The following C2CD5 variants were observed in gnomAD, a reference collection of about 807,000 sequenced individuals.
C2CD5 encodes C2 calcium dependent domain containing 5.
Under a neutral mutation model 130.3 loss-of-function variants are expected in C2CD5, and 109 were observed. That is an observed-to-expected ratio of 0.84 (90% confidence interval 0.72 to 0.98). The LOEUF (loss-of-function observed/expected upper bound fraction) is 0.98, where lower values mean the gene tolerates loss of function less well. Ranked by LOEUF, C2CD5 falls within the 50% of genes least tolerant of loss-of-function variation. The pLI is 0.00. For synonymous variants in C2CD5, 454 were observed against 429.2 expected (o/e 1.06, Z -0.71); for missense variants, 996 against 1,261.8 (o/e 0.79, Z 3.19).
At chr12:22,505,353 G>T (rs1948390668) in intron 10 of C2CD5, among the ~76,000 whole-genome samples, 1 of 150,356 alleles carries the variant, frequency 6.7e-6, no homozygotes, top group South Asian at 2.1e-4. Context: ...CACCTCCCGG[G>T]TTCAAGCAAT....
In C2CD5 at chr12:22,526,320, G is replaced by A. The variant is rs74906182; in HGVS notation, c.350-615C>T. ...CATTTGCTGAGCACTGATACACGAT[G>A]TACTAAACACTTTACAGGTAGTATC... On this transcript the variant is annotated intron_variant, in intron 4 of 26. Transcript: ENST00000446597. Among the ~76,000 whole-genome samples the A allele has an allele frequency of 2.8e-3, 419 of 152,234 alleles. 9 individuals are homozygous for A. In the East Asian group the frequency reaches 0.051, roughly 18 times the overall value.
chr12:22,512,360 A>G (rs1392036627), intron 9 of C2CD5, among the ~76,000 whole-genome samples: 1 of 152,204 alleles, frequency 6.6e-6, no homozygotes, highest in Non-Finnish European at 1.5e-5. Flanking sequence ...TAGAACATGT[A>G]AAAGAAAATT....
At chr12:22,534,770 G>C (rs1951666284) in intron 3 of C2CD5, 1 of 153,628 alleles carries the variant, frequency 6.5e-6, no homozygotes, top group African/African-American at 2.4e-5. Flanking sequence ...AGTCTAGGGA[G>C]AGGAGGGAAT....
At chr12:22,512,558 A>G (rs900067752) in intron 9 of C2CD5, 2 of 966,770 alleles carry the variant, frequency 2.1e-6, no homozygotes, top group Non-Finnish European at 3.0e-6. Context: ...AACATTTGCT[A>G]AGATTAAATA....
intron 26 of C2CD5, among the ~76,000 whole-genome samples, chr12:22,453,503 T>G (rs1939138825): frequency 6.6e-6 from 1 of 152,172 alleles, no homozygotes; most frequent in African/African-American, 2.4e-5. Context: ...AAGCAAGCCT[T>G]ACTATGGCCT....
chr12:22,535,283 C>T lies in C2CD5; in HGVS notation c.152G>A (p.Trp51Ter), dbSNP rs1459558698. Residue 51 changes from tryptophan (W) to a stop codon, truncating the protein, a stop_gained, in exon 3 of 27, where the codon TGG becomes TAG. Transcript: ENST00000446597. LOFTEE classifies it high-confidence loss of function. ...DVYLKSLNPQWNSEWFKFEVD... is the reference protein window; with the variant it reads ...DVYLKSLNPQ ...CTCAAATTTAAACCACTCCGAGTTC[C>T]ACTGAGGGTTGAGTGACTTAAGGTA... The T allele has an allele frequency of 1.2e-6, 2 of 1,605,904 alleles. No individual in the cohort carries two copies. The highest frequency in any genetic ancestry group is 1.1e-5 in the South Asian group (1 of 90,430).
In C2CD5 at chr12:22,544,480, C is replaced by T. The variant is rs1952759220; in HGVS notation, c.-190G>A. On this transcript the variant is annotated 5_prime_UTR_variant, in exon 1 of 27. Transcript: ENST00000446597. ...TCCCGTTGAGCCTCTGCCGCCCCTG[C>T]TTGTCTCTCCTCCCCCGCTCTCAAA... The T allele has an allele frequency of 4.7e-6, 1 of 210,726 alleles. No homozygotes were observed. The highest frequency in any genetic ancestry group is 9.4e-6 in the Non-Finnish European group (1 of 106,276). 13.1% of individuals were successfully genotyped at this position (210,726 alleles called of 1,614,324 possible). A position where few individuals can be genotyped will look rare whatever the true frequency, so the allele number is the denominator to read the frequency against.
intron 12 of C2CD5, 103 bp from the exon 13 acceptor site, chr12:22,484,991 C>T (rs933306674): frequency 4.1e-6 from 2 of 484,432 alleles, no homozygotes; most frequent in Non-Finnish European, 6.9e-6. Context: ...TGTATACGAA[C>T]TATCCAACTT....
chr12:22,450,895 G>T (rs1938451680), intron 26 of C2CD5, among the ~76,000 whole-genome samples: 2 of 152,092 alleles, frequency 1.3e-5, no homozygotes, highest in Non-Finnish European at 1.5e-5. Flanking sequence ...AATAAAGGTA[G>T]TCTTTATGTC....
intron 2 of C2CD5, 37 bp from the exon 3 acceptor site, chr12:22,535,381 C>G (rs376583149): frequency 2.7e-6 from 3 of 1,098,300 alleles, no homozygotes; most frequent in Non-Finnish European, 4.2e-6. Flanking sequence ...ATATGAATAT[C>G]AAAAATGTGA....
chr12:22,505,714 A>G (rs7964072), intron 10 of C2CD5, among the ~76,000 whole-genome samples: 2 of 151,998 alleles, frequency 1.3e-5, no homozygotes, highest in Admixed American at 1.3e-4. Flanking sequence ...ATTTCTGATC[A>G]AAGGGCCTGA....
chr12:22,487,948 A>T lies in C2CD5; in HGVS notation c.1358+2175T>A, dbSNP rs141811316. On this transcript the variant is annotated intron_variant, in intron 12 of 26. Coordinates refer to ENST00000446597, the MANE Select transcript of C2CD5 (RefSeq NM_001286176.2). ...ACCATCATTCTCAGCAAACTATCAC[A>T]AGGACAAAAAACCAAACACTGCACG... Among the ~76,000 whole-genome samples the T allele has an allele frequency of 2.7e-3, 410 of 151,880 alleles. 9 individuals carry two copies. The East Asian group carries it at 0.05, about 19-fold the overall frequency.
intron 11 of C2CD5, among the ~76,000 whole-genome samples, chr12:22,492,555 T>A (rs1591827501): frequency 6.6e-6 from 1 of 152,088 alleles, no homozygotes; most frequent in Non-Finnish European, 1.5e-5. Context: ...GCTGCTAGGA[T>A]GAACATAATC....
intron 17 of C2CD5, 101 bp from the exon 18 acceptor site, chr12:22,472,448 CCTT>C: frequency 1.5e-6 from 1 of 677,716 alleles, no homozygotes; most frequent in South Asian, 2.0e-5. Context: ...ACTATAACAC[CCTT>C]CATTTTTTTT....
chr12:22,470,570 C>T (rs1445671604), intron 21 of C2CD5, among the ~76,000 whole-genome samples: 1 of 152,016 alleles, frequency 6.6e-6, no homozygotes, highest in Non-Finnish European at 1.5e-5. Context: ...AATTAATAGG[C>T]TATAATTTAA....
At chr12:22,497,613 GA>G in intron 10 of C2CD5, 1 of 972,346 alleles carries the variant, frequency 1.0e-6, no homozygotes, top group Non-Finnish European at 1.2e-6. Context: ...ACCTCTTGAA[GA>G]AGATAAATTT....
rs1050872900 is a variant in C2CD5 at position 22,473,275 on chromosome 12, C to T, written c.2044-468G>A. 5.3e-5 allele frequency among the ~76,000 whole-genome samples: 8 copies of T among 152,084 alleles called. No homozygotes were observed. In the South Asian group the frequency reaches 1.7e-3, roughly 32 times the overall value. On this transcript the variant is annotated intron_variant, in intron 16 of 26. Coordinates refer to ENST00000446597, the MANE Select transcript of C2CD5 (RefSeq NM_001286176.2). Reference sequence around the variant, plus strand: ...CTATTCTTCTTACATCACCATATTCCACTGTGAATAATAAATAGGGAAACT... The same window carrying T: ...CTATTCTTCTTACATCACCATATTCTACTGTGAATAATAAATAGGGAAACT...
chr12:22,451,928 C>T (rs1938719000), intron 26 of C2CD5, among the ~76,000 whole-genome samples: 1 of 152,114 alleles, frequency 6.6e-6, no homozygotes, highest in Admixed American at 6.6e-5. Flanking sequence ...AATCCACCAG[C>T]ACTAAGCACA....
chr12:22,523,242 G>A (rs762128374), intron 7 of C2CD5, among the ~76,000 whole-genome samples, 184 bp downstream of exon 7: 2 of 151,454 alleles, frequency 1.3e-5, no homozygotes, highest in Non-Finnish European at 2.9e-5. Context: ...TAAATAAGAC[G>A]GTATAAATAA....
Sources: allele counts gnomAD v4.1 joint callset (sites outside exome capture counted in the v4.1 genomes callset), GRCh38; gene constraint gnomAD v4.1.1; transcripts MANE v1.5; gene names NCBI Gene and HGNC (gene_info 2026-07-23, HGNC 2026-07-21).